The following VASH2 variants were observed in gnomAD, a reference collection of about 807,000 sequenced individuals.
VASH2 encodes the protein vasohibin 2, also known as tubulinyl-Tyr carboxypeptidase 2.
VASH2 carries 28 observed loss-of-function variants against 37.2 expected under a neutral mutation model. That is an observed-to-expected ratio of 0.75 (90% CI 0.56 to 1.03). The LOEUF (loss-of-function observed/expected upper bound fraction) is 1.03, where lower values mean the gene tolerates loss of function less well. Ranked by LOEUF, VASH2 falls within the 50% of genes least tolerant of loss-of-function variation. VASH2 has a pLI of 0.00. For synonymous variants in VASH2, 188 were observed against 174.7 expected (o/e 1.08, Z -0.60); for missense variants, 419 against 459.1 (o/e 0.91, Z 0.80).
chr1:212,957,344 G>A, intron 2 of VASH2, among the ~76,000 whole-genome samples: 1 of 152,144 alleles, frequency 6.6e-6, no homozygotes, highest in East Asian at 1.9e-4. Flanking sequence ...TTTCACTGAG[G>A]CCTAAAGATT....
intron 4 of VASH2, 33 bp downstream of exon 4, chr1:212,965,811 C>G: frequency 1.3e-6 from 2 of 1,538,346 alleles, no homozygotes; most frequent in Non-Finnish European, 1.8e-6. Context: ...GCCAGATGAC[C>G]TCTCTCCTAC....
At chr1:212,964,199 G>C (rs11807270) in intron 3 of VASH2, among the ~76,000 whole-genome samples, 3,601 of 152,282 alleles carry the variant, frequency 0.024, 128 homozygotes, top group African/African-American at 0.082. Context: ...TCCAGGGCTG[G>C]AGCCCAGAAT....
chr1:212,980,780 G>A (rs1667317161), intron 7 of VASH2, among the ~76,000 whole-genome samples: 1 of 152,192 alleles, frequency 6.6e-6, no homozygotes, highest in Non-Finnish European at 1.5e-5. Context: ...GTGAGAAAAG[G>A]AGATTTCCTT....
In VASH2 at chr1:212,961,177, C is replaced by G. The variant is rs752046818; in HGVS notation, c.288C>G (p.Pro96=). 1.7e-5 allele frequency: 27 copies of G among 1,614,054 alleles called. No homozygotes were observed. Among genetic ancestry groups the G allele is most frequent in the Non-Finnish European group, 2.3e-5 (27 of 1,180,036 alleles). Reference sequence around the variant, plus strand: ...CTATTTTTCTGCAGCCTTCAATACCCCAGGTCCCAAACTACAGGCTGTCGA... The same window carrying G: ...CTATTTTTCTGCAGCCTTCAATACCGCAGGTCCCAAACTACAGGCTGTCGA... ...NAAFLAKPSI[P]QVPNYRLSMT... Residue 96 remains proline, a synonymous_variant, in exon 3 of 8, where the codon CCC becomes CCG. Transcript: ENST00000517399.
At position 212,971,842 on chromosome 1, in the gene VASH2, G is replaced by C. The variant is rs570851028; in HGVS notation, c.498-738G>C. On this transcript the variant is annotated intron_variant, in intron 5 of 7. Transcript: ENST00000517399. The surrounding 1 kb of genome is among the most constrained non-coding windows in gnomAD (Gnocchi z 4.0). Reference sequence around the variant, plus strand: ...AGGCAGTGCACATCCACAATCTAAGGTTCGTTCTTTCTGTAAGCATTAAAC... The same window carrying C: ...AGGCAGTGCACATCCACAATCTAAGCTTCGTTCTTTCTGTAAGCATTAAAC... Among the ~76,000 whole-genome samples the C allele has an allele frequency of 1.4e-4, 22 of 152,026 alleles. No homozygotes were observed. The highest frequency in any genetic ancestry group is 4.8e-4 in the African/African-American group (20 of 41,444).
intron 7 of VASH2, among the ~76,000 whole-genome samples, chr1:212,988,153 A>T (rs1163285885): frequency 3.3e-5 from 5 of 152,180 alleles, no homozygotes; most frequent in Non-Finnish European, 7.3e-5. Flanking sequence ...TTTGACTCAG[A>T]TTCTTGGCTC....
chr1:212,958,287 T>C (rs1226213793), intron 2 of VASH2, among the ~76,000 whole-genome samples: 4 of 152,192 alleles, frequency 2.6e-5, no homozygotes, highest in Non-Finnish European at 4.4e-5. Context: ...CTGTGGTCTC[T>C]GCGCCTCCCC....
intron 7 of VASH2, among the ~76,000 whole-genome samples, chr1:212,979,540 A>T (rs1667278038): frequency 6.6e-6 from 1 of 152,166 alleles, no homozygotes; most frequent in Non-Finnish European, 1.5e-5. Flanking sequence ...TAGTGGCATT[A>T]TATCCCCATC....
At chr1:212,972,366 CAT>C (rs1339616599) in intron 5 of VASH2, among the ~76,000 whole-genome samples, 16 of 152,102 alleles carry the variant, frequency 1.1e-4, no homozygotes, top group African/African-American at 3.6e-4. Flanking sequence ...CTCTTTGTCT[CAT>C]ATTTACTTGG....
At chr1:212,970,812 C>G (rs796377009) in intron 5 of VASH2, among the ~76,000 whole-genome samples, 18 of 152,000 alleles carry the variant, frequency 1.2e-4, no homozygotes, top group African/African-American at 4.3e-4. Context: ...ATCGCTTGAA[C>G]TTGGGAGGCA....
chr1:212,966,116 T>G (rs887662261), intron 4 of VASH2, 155 bp from the exon 5 acceptor site: 3 of 664,984 alleles, frequency 4.5e-6, no homozygotes, highest in Admixed American at 5.0e-5. Flanking sequence ...TTAACTCTTG[T>G]GCTTTGGTGC....
intron 7 of VASH2, among the ~76,000 whole-genome samples, chr1:212,984,919 T>G (rs192949842): frequency 2.0e-5 from 3 of 152,328 alleles, no homozygotes; most frequent in Admixed American, 2.0e-4. Flanking sequence ...GAGCATGTTC[T>G]CCATACTCCA....
intron 7 of VASH2, among the ~76,000 whole-genome samples, chr1:212,983,995 G>A (rs1162266978): frequency 6.6e-6 from 1 of 152,180 alleles, no homozygotes; most frequent in Non-Finnish European, 1.5e-5. Context: ...AAAATGGACA[G>A]TACCAGTATC....
At chr1:212,968,265 AAGATGAAATC>A (rs1666909433) in intron 5 of VASH2, 13 of 985,338 alleles carry the variant, frequency 1.3e-5, no homozygotes, top group Non-Finnish European at 1.6e-5. Flanking sequence ...AAAAAGATCA[AAGATGAAATC>A]AGTATTTTTT....
chr1:212,961,453 C>T, intron 3 of VASH2, 199 bp downstream of exon 3: 7 of 1,218,092 alleles, frequency 5.7e-6, no homozygotes, highest in Admixed American at 2.9e-5. Context: ...GTAGGGCAGG[C>T]TGGTTCCCCT....
chr1:212,968,723 A>G (rs1437534054), intron 5 of VASH2: 10 of 985,462 alleles, frequency 1.0e-5, no homozygotes, highest in Non-Finnish European at 1.2e-5. Context: ...TAGTGGCAGG[A>G]GTCAGCCACA....
intron 4 of VASH2, 30 bp from the exon 5 acceptor site, chr1:212,966,241 T>C: frequency 6.5e-7 from 1 of 1,540,256 alleles, no homozygotes. Flanking sequence ...AAATAGGTTC[T>C]GAGATCCTCT....
chr1:212,977,614 T>C (rs538034710), intron 7 of VASH2, among the ~76,000 whole-genome samples: 27 of 151,978 alleles, frequency 1.8e-4, no homozygotes, highest in Non-Finnish European at 3.5e-4. Context: ...GAGGTAGAAG[T>C]TGAAGGACTG....
At chr1:212,982,920 A>G (rs1667378131) in intron 7 of VASH2, among the ~76,000 whole-genome samples, 1 of 152,162 alleles carries the variant, frequency 6.6e-6, no homozygotes, top group South Asian at 2.1e-4. Flanking sequence ...GGTTCCCCAC[A>G]TGGCTTTCAG....
Sources: allele counts gnomAD v4.1 joint callset (sites outside exome capture counted in the v4.1 genomes callset), GRCh38; gene constraint gnomAD v4.1.1; non-coding constraint Gnocchi (gnomAD v3.1); transcripts MANE v1.5; gene names NCBI Gene and HGNC (gene_info 2026-07-23, HGNC 2026-07-21).